Variants in CFAP61 observed in about 807,000 individuals in gnomAD.
The protein encoded by CFAP61 is cilia- and flagella-associated protein 61.
CFAP61 carries 107 observed loss-of-function variants against 135.6 expected under a neutral mutation model. The ratio of observed to expected loss-of-function variants is 0.79; its 90% CI spans 0.67 to 0.93. The LOEUF (loss-of-function observed/expected upper bound fraction) is 0.93, where lower values mean the gene tolerates loss of function less well. Among genes scored for constraint, CFAP61 ranks in the 40% least tolerant of loss-of-function variants. The probability of loss-of-function intolerance (pLI) is 0.00; values close to 1 mark genes in which losing one functional copy is unlikely to be tolerated. For synonymous variants in CFAP61, 575 were observed against 578.5 expected, an observed-to-expected ratio of 0.99 and a Z score of 0.09; for missense variants, 1,507 against 1,556.2, an observed-to-expected ratio of 0.97 and a Z score of 0.53.
rs552906458 is a variant in CFAP61, at chr20:20,118,409, C to T, written c.859+19595C>T. ...AGACTGGAGTGCAATGGCATGGTCT[C>T]GGTTCACTAACACCTCCACCTCCCA... On this transcript the variant is annotated intron_variant, in intron 8 of 26. Transcript: ENST00000245957. Among the ~76,000 whole-genome samples the T allele has an allele frequency of 1.1e-4, 16 of 150,042 alleles. No homozygotes were observed. The South Asian group carries it at 2.8e-3, about 26-fold the overall frequency.
At position 20,285,984 on chromosome 20, in the gene CFAP61, A is replaced by G. The variant is rs1430684947; in HGVS notation, c.2797-2625A>G. On this transcript the variant is annotated intron_variant, in intron 22 of 26. Coordinates refer to ENST00000245957, the MANE Select transcript of CFAP61 (RefSeq NM_015585.4). ...TCTAAATTGAATACCTGTATGTGGA[A>G]ATGGAGAGAAAAGGTAATTGAAAAA... 2.0e-5 allele frequency among the ~76,000 whole-genome samples: 3 copies of G among 150,130 alleles called. No homozygotes were observed. The Admixed American group carries it at 2.0e-4, about 10-fold the overall frequency.
intron 25 of CFAP61, among the ~76,000 whole-genome samples, chr20:20,302,876 A>G (rs903232081): frequency 1.3e-5 from 2 of 152,188 alleles, no homozygotes; most frequent in Admixed American, 6.5e-5. Context: ...TTTTTCGGAA[A>G]GAGTACTTAG....
intron 7 of CFAP61, among the ~76,000 whole-genome samples, chr20:20,097,631 A>G (rs1344974738): frequency 2.0e-5 from 3 of 152,206 alleles, no homozygotes; most frequent in African/African-American, 7.2e-5. Context: ...CTTCTCGCCT[A>G]TGTATTACTC....
chr20:20,147,300 T>C (rs2146763755), intron 9 of CFAP61, among the ~76,000 whole-genome samples: 1 of 152,358 alleles, frequency 6.6e-6, no homozygotes, highest in Non-Finnish European at 1.5e-5. Context: ...AGTTCTACTT[T>C]ACCTCTTTAA....
chr20:20,200,854 C>T (rs527437861), intron 17 of CFAP61: 68 of 985,166 alleles, frequency 6.9e-5, no homozygotes, highest in Non-Finnish European at 8.1e-5. Context: ...AGGGATGGGG[C>T]GTACCTCCAT....
intron 6 of CFAP61, among the ~76,000 whole-genome samples, chr20:20,087,676 C>T (rs972696804): frequency 1.3e-5 from 2 of 152,120 alleles, no homozygotes; most frequent in Admixed American, 6.5e-5. Flanking sequence ...TTGGTTTCTC[C>T]TGCCTAAGTA....
intron 16 of CFAP61, among the ~76,000 whole-genome samples, chr20:20,197,163 T>C (rs185398302): frequency 2.6e-5 from 4 of 152,278 alleles, no homozygotes; most frequent in Non-Finnish European, 5.9e-5. Flanking sequence ...ATCCATAGAA[T>C]AAATTAATTC....
chr20:20,120,626 T>C (rs1345039241), intron 8 of CFAP61, among the ~76,000 whole-genome samples: 1 of 152,232 alleles, frequency 6.6e-6, no homozygotes, highest in East Asian at 1.9e-4. Flanking sequence ...TGAAATGTTC[T>C]GTAAATGTCA....
chr20:20,244,686 C>T (rs372466537), intron 18 of CFAP61, among the ~76,000 whole-genome samples: 28 of 152,364 alleles, frequency 1.8e-4, no homozygotes, highest in African/African-American at 3.6e-4. Context: ...GATTAACATT[C>T]GGCTCCTTGT....
chr20:20,099,329 A>G (rs142988798), intron 8 of CFAP61, among the ~76,000 whole-genome samples: 83 of 152,322 alleles, frequency 5.4e-4, no homozygotes, highest in African/African-American at 2.0e-3. Flanking sequence ...TAGTTATATG[A>G]AATAATACCA....
chr20:20,097,893 C>A (rs560421323), intron 7 of CFAP61, among the ~76,000 whole-genome samples: 14 of 152,132 alleles, frequency 9.2e-5, no homozygotes, highest in South Asian at 4.1e-4. Context: ...AGCTAGGGAC[C>A]GTGAACTTTC....
intron 24 of CFAP61, among the ~76,000 whole-genome samples, chr20:20,293,181 G>A (rs1170157446): frequency 1.3e-5 from 2 of 152,216 alleles, no homozygotes; most frequent in Non-Finnish European, 2.9e-5. Context: ...TTCAAGGACA[G>A]TGCATGATTT....
intron 19 of CFAP61, among the ~76,000 whole-genome samples, chr20:20,247,091 T>A (rs1454038551): frequency 6.6e-6 from 1 of 151,984 alleles, no homozygotes; most frequent in Non-Finnish European, 1.5e-5. Context: ...GGGCAAGGAA[T>A]TTCATTTCTC....
At position 20,123,303 on chromosome 20, in the gene CFAP61, T is replaced by C. The variant is rs141965537; in HGVS notation, c.860-19554T>C. ...AGTCCCAACTATTTATCTTTGTTTT[T>C]ATTGCATTTGTTTTTGGGTTTTTGG... On this transcript the variant is annotated intron_variant, in intron 8 of 26. Coordinates refer to ENST00000245957, the MANE Select transcript of CFAP61 (RefSeq NM_015585.4). Among the ~76,000 whole-genome samples, 407 of 151,984 alleles carry C rather than the reference T, an allele frequency of 2.7e-3. 13 individuals are homozygous for C. In the East Asian group the frequency reaches 0.045, roughly 17 times the overall value.
intron 6 of CFAP61, among the ~76,000 whole-genome samples, chr20:20,081,928 G>T (rs1422904621): frequency 6.6e-6 from 1 of 152,246 alleles, no homozygotes; most frequent in Non-Finnish European, 1.5e-5. Context: ...AATGGTGACA[G>T]TATGGCAGTC....
chr20:20,228,632 G>A (rs2048910778), intron 18 of CFAP61: 2 of 316,144 alleles, frequency 6.3e-6, no homozygotes, highest in Non-Finnish European at 1.2e-5. Context: ...TCATTTATGT[G>A]TTGTCTGTGG....
At chr20:20,298,455 A>G in intron 25 of CFAP61, 69 bp downstream of exon 25, 2 of 1,316,716 alleles carry the variant, frequency 1.5e-6, no homozygotes, top group East Asian at 2.4e-5. Flanking sequence ...AATGAGGGAC[A>G]TGTGTTGTGA....
chr20:20,284,641 T>C (rs758498720), intron 22 of CFAP61, among the ~76,000 whole-genome samples: 4 of 152,328 alleles, frequency 2.6e-5, no homozygotes, highest in Middle Eastern at 6.8e-3. Context: ...TGGATTATAA[T>C]ACACATCAGC....
chr20:20,212,313 T>G (rs753888054), intron 17 of CFAP61, among the ~76,000 whole-genome samples: 3 of 151,998 alleles, frequency 2.0e-5, no homozygotes, highest in African/African-American at 4.8e-5. Context: ...TCCAGCCATC[T>G]CTCTCACACA....
Sources: allele counts gnomAD v4.1 joint callset (sites outside exome capture counted in the v4.1 genomes callset), GRCh38; gene constraint gnomAD v4.1.1; transcripts MANE v1.5; gene names NCBI Gene and HGNC (gene_info 2026-07-23, HGNC 2026-07-21).